The following ASRGL1 variants were observed in gnomAD, a reference collection of about 807,000 sequenced individuals.
ASRGL1 encodes asparaginase and isoaspartyl peptidase 1, also known as isoaspartyl peptidase/L-asparaginase.
A neutral mutation model predicts 22.4 loss-of-function variants in ASRGL1; 16 were observed. The ratio of observed to expected loss-of-function variants is 0.71; its 90% CI spans 0.48 to 1.08. The LOEUF (loss-of-function observed/expected upper bound fraction) is 1.08. Ranked by LOEUF, ASRGL1 falls within the 50% of genes least tolerant of loss-of-function variation. The pLI is 0.00. For synonymous variants in ASRGL1, 165 were observed against 159.3 expected (o/e 1.04, Z -0.27); for missense variants, 412 against 410.1 (o/e 1.00, Z -0.04).
intron 4 of ASRGL1, among the ~76,000 whole-genome samples, chr11:62,380,755 A>T (rs1227370062): frequency 6.6e-6 from 1 of 152,030 alleles, no homozygotes; most frequent in Admixed American, 6.6e-5. Flanking sequence ...TCCCTCTTTC[A>T]TATCTTTTAA....
At chr11:62,389,426 C>T (rs1947289660) in intron 5 of ASRGL1, 175 bp downstream of exon 5, 1 of 710,074 alleles carries the variant, frequency 1.4e-6, no homozygotes, top group African/African-American at 1.7e-5. Context: ...GGGGTGCTGC[C>T]TTGAGAGGGT....
At chr11:62,362,631 A>T (rs1293079333) in intron 4 of ASRGL1, among the ~76,000 whole-genome samples, 1 of 49,754 alleles carries the variant, frequency 2.0e-5, no homozygotes, top group African/African-American at 1.1e-4. Context: ...ATTATATAAA[A>T]TATATATAAT....
chr11:62,345,078 T>C (rs917045166), intron 2 of ASRGL1, among the ~76,000 whole-genome samples: 45 of 152,334 alleles, frequency 3.0e-4, no homozygotes, highest in African/African-American at 1.1e-3. Flanking sequence ...TGAGTAGTAC[T>C]CCATTGTGTA....
downstream of ASRGL1, among the ~76,000 whole-genome samples, chr11:62,396,273 G>A (rs1947432124): frequency 6.6e-6 from 1 of 151,972 alleles, no homozygotes. Flanking sequence ...GGGAGGTGGT[G>A]GGGGTGCCCA....
intron 4 of ASRGL1, among the ~76,000 whole-genome samples, chr11:62,357,656 T>A (rs1430465875): frequency 2.0e-5 from 3 of 152,142 alleles, no homozygotes. Flanking sequence ...AAACAGGTTA[T>A]CTGTGATCTA....
rs181065888 is a variant in ASRGL1, at chr11:62,378,702, A to C, written c.492-10431A>C. 4.4e-3 allele frequency among the ~76,000 whole-genome samples: 669 copies of C among 152,224 alleles called. 13 individuals are homozygous for C. Among genetic ancestry groups the C allele is most frequent in the Non-Finnish European group, 1.9e-3 (131 of 68,010 alleles). On this transcript the variant is annotated intron_variant, in intron 4 of 6. Coordinates refer to ENST00000415229, the MANE Select transcript of ASRGL1 (RefSeq NM_001083926.2). ...ATCTGCCGGATTTTTTTTGAATTACAAACACAGGAGAATTCCAAGGCGAGA... is the reference window on the plus strand; with the variant it reads ...ATCTGCCGGATTTTTTTTGAATTACCAACACAGGAGAATTCCAAGGCGAGA...
chr11:62,377,476 G>A (rs1423996840), intron 4 of ASRGL1, among the ~76,000 whole-genome samples: 1 of 152,274 alleles, frequency 6.6e-6, no homozygotes, highest in East Asian at 1.9e-4. Flanking sequence ...TTGATAATGA[G>A]TTTTGATTAC....
At chr11:62,365,192 C>G (rs1042947829) in intron 4 of ASRGL1, among the ~76,000 whole-genome samples, 1 of 151,850 alleles carries the variant, frequency 6.6e-6, no homozygotes, top group Non-Finnish European at 1.5e-5. Flanking sequence ...ATGTAGCATG[C>G]GTATGTCTGG....
chr11:62,372,895 G>A (rs1265458802), intron 4 of ASRGL1: 3 of 1,589,722 alleles, frequency 1.9e-6, no homozygotes, highest in Non-Finnish European at 2.6e-6. Flanking sequence ...CTCTGCAGCT[G>A]GAGAATCTGG....
chr11:62,371,437 T>C lies in ASRGL1; in HGVS notation c.491+14293T>C. On this transcript the variant is annotated intron_variant, in intron 4 of 6. Coordinates refer to ENST00000415229, the MANE Select transcript of ASRGL1 (RefSeq NM_001083926.2). ...GAAGCACGTCAAACTTGAGACGTGC[T>C]GTGTTTACTCAAGGTTTAATGGATT... 2 of 582,970 alleles carry C rather than the reference T, an allele frequency of 3.4e-6. 1 individual carries two copies. Among genetic ancestry groups the C allele is most frequent in the South Asian group, 4.0e-5 (2 of 49,584 alleles). 36.1% of individuals were successfully genotyped at this position (582,970 alleles called of 1,614,324 possible).
chr11:62,386,756 T>G (rs1219597918), intron 4 of ASRGL1, among the ~76,000 whole-genome samples: 1 of 152,186 alleles, frequency 6.6e-6, no homozygotes, highest in Admixed American at 6.5e-5. Flanking sequence ...TGTGAAATGC[T>G]TTTCCAAAGA....
intron 2 of ASRGL1, 109 bp downstream of exon 2, chr11:62,338,276 C>G (rs1463951638): frequency 1.8e-6 from 2 of 1,110,244 alleles, no homozygotes; most frequent in African/African-American, 3.2e-5. Flanking sequence ...TGGGGTGAAA[C>G]TAAGTATGTA....
intron 4 of ASRGL1, among the ~76,000 whole-genome samples, chr11:62,374,423 G>C (rs1590744955): frequency 6.6e-6 from 1 of 152,248 alleles, no homozygotes; most frequent in Admixed American, 6.5e-5. Flanking sequence ...GTCTGGACTG[G>C]TTTGGGTGCT....
chr11:62,372,942 G>A, intron 4 of ASRGL1: 1 of 1,517,428 alleles, frequency 6.6e-7, no homozygotes, highest in Non-Finnish European at 9.1e-7. Context: ...CATTGTGGCA[G>A]CCGATGAGAG....
chr11:62,355,227 TTC>T (rs1372016290), intron 2 of ASRGL1, among the ~76,000 whole-genome samples: 9 of 148,296 alleles, frequency 6.1e-5, no homozygotes, highest in South Asian at 2.1e-4. Flanking sequence ...AAGTCAAGAT[TTC>T]TCTCTTTTTT....
intron 4 of ASRGL1, among the ~76,000 whole-genome samples, chr11:62,362,891 ATTTTTTTTTTTTTTTTTTTTTTTT>A (rs60507577): frequency 2.8e-4 from 14 of 50,366 alleles, no homozygotes; most frequent in African/African-American, 9.7e-4. Context: ...AAAGGATTTA[ATTTTTTTTTTTTTTTTTTTTTTTT>A]TTTTTTTTTT....
Position 62,392,391 on chromosome 11 carries a change from T to C in ASRGL1, c.*107T>C. 3 of 1,355,850 alleles carry C rather than the reference T, an allele frequency of 2.2e-6. No individual in the cohort carries two copies. The highest frequency in any genetic ancestry group is 3.1e-6 in the Non-Finnish European group (3 of 976,914). 84.0% of individuals were successfully genotyped at this position (1,355,850 alleles called of 1,614,324 possible). ...CTAGAATTGGAAAAATTGTCCCGTC[T>C]GTCACTTGTTTTGTTGCCTTAATAA... On this transcript the variant is annotated 3_prime_UTR_variant, in exon 7 of 7. Transcript: ENST00000415229.
chr11:62,359,472 A>G (rs113639313), intron 4 of ASRGL1, among the ~76,000 whole-genome samples: 2 of 152,308 alleles, frequency 1.3e-5, no homozygotes, highest in African/African-American at 4.8e-5. Context: ...AATTAATAAT[A>G]TATTTTATTT....
chr11:62,352,449 G>A (rs1324384141), intron 2 of ASRGL1, among the ~76,000 whole-genome samples: 1 of 152,102 alleles, frequency 6.6e-6, no homozygotes, highest in Non-Finnish European at 1.5e-5. Flanking sequence ...AGCCGGGTAT[G>A]GTGGCGCACC....
Sources: gnomAD v4.1 joint callset for allele counts (sites outside exome capture counted in the v4.1 genomes callset) on GRCh38, gnomAD v4.1.1 for gene constraint, MANE v1.5 for transcripts, NCBI Gene and HGNC (gene_info 2026-07-23, HGNC 2026-07-21) for gene names.